NEO1: variants seen among roughly 807,000 people sequenced by gnomAD.
NEO1 encodes the protein neogenin 1.
In NEO1, 63 loss-of-function variants were observed where a neutral mutation model predicts 159.7. The ratio of observed to expected loss-of-function variants is 0.39; its 90% CI spans 0.32 to 0.49. The LOEUF (loss-of-function observed/expected upper bound fraction) is 0.49, where lower values mean the gene tolerates loss of function less well. Among genes scored for constraint, NEO1 ranks in the 20% least tolerant of loss-of-function variants. The probability of loss-of-function intolerance (pLI) is 0.85; values close to 1 mark genes in which losing one functional copy is unlikely to be tolerated. For synonymous variants in NEO1, 633 were observed against 662.0 expected (o/e 0.96, Z 0.67); for missense variants, 1,615 against 1,831.0 (o/e 0.88, Z 2.15).
chr15:73,189,168 A>G (rs959458497), intron 7 of NEO1, among the ~76,000 whole-genome samples: 1 of 152,138 alleles, frequency 6.6e-6, no homozygotes, highest in Non-Finnish European at 1.5e-5. Context: ...TATATCTTTG[A>G]TTGTGAAGTG....
At chr15:73,249,999 C>G (rs532037059) in intron 11 of NEO1, among the ~76,000 whole-genome samples, 52 of 152,250 alleles carry the variant, frequency 3.4e-4, no homozygotes, top group African/African-American at 1.2e-3. Flanking sequence ...TTAGCAGAAG[C>G]TTTTGTGTAA....
intron 1 of NEO1, among the ~76,000 whole-genome samples, chr15:73,101,425 G>A (rs566876415): frequency 1.6e-4 from 24 of 152,282 alleles, no homozygotes; most frequent in East Asian, 7.7e-4. Flanking sequence ...GCGCACACAC[G>A]CTCTCTTTCC....
chr15:73,212,194 A>G (rs777290873), intron 7 of NEO1, among the ~76,000 whole-genome samples: 1 of 152,044 alleles, frequency 6.6e-6, no homozygotes, highest in Non-Finnish European at 1.5e-5. Context: ...TAAATCTCCT[A>G]TTGCCAAGGG....
intron 7 of NEO1, among the ~76,000 whole-genome samples, chr15:73,184,993 G>A (rs1297610698): frequency 1.3e-5 from 2 of 152,056 alleles, no homozygotes; most frequent in Non-Finnish European, 2.9e-5. Flanking sequence ...ATGCACTTGA[G>A]GAATTATAAA....
intron 7 of NEO1, among the ~76,000 whole-genome samples, chr15:73,216,985 T>C (rs1430921464): frequency 1.3e-5 from 2 of 152,052 alleles, no homozygotes; most frequent in African/African-American, 4.8e-5. Flanking sequence ...TTTGGTGTTT[T>C]AGACATGAAG....
chr15:73,201,409 G>A (rs896736563), intron 7 of NEO1, among the ~76,000 whole-genome samples: 2 of 151,708 alleles, frequency 1.3e-5, no homozygotes, highest in Admixed American at 6.6e-5. Flanking sequence ...CTAATTTAAC[G>A]CTACTGTCTG....
chr15:73,106,715 T>G (rs2070713024), intron 1 of NEO1, among the ~76,000 whole-genome samples: 1 of 152,198 alleles, frequency 6.6e-6, no homozygotes, highest in Non-Finnish European at 1.5e-5. Context: ...TTCTTCATTC[T>G]CTTTGTGGTG....
intron 7 of NEO1, among the ~76,000 whole-genome samples, chr15:73,201,915 C>T (rs1050787185): frequency 6.7e-6 from 1 of 149,732 alleles, no homozygotes; most frequent in Non-Finnish European, 1.5e-5. Context: ...TAAAGGTATT[C>T]CATCTTTCTT....
chr15:73,293,830 T>A (rs41415044), intron 26 of NEO1, among the ~76,000 whole-genome samples: 3,471 of 152,280 alleles, frequency 0.023, 133 homozygotes, highest in African/African-American at 0.076. Context: ...TAACTCAGTC[T>A]TTTTTCCAAT....
At chr15:73,065,598 G>A (rs1162349979) in intron 1 of NEO1, among the ~76,000 whole-genome samples, 2 of 152,108 alleles carry the variant, frequency 1.3e-5, no homozygotes, top group African/African-American at 4.8e-5. Context: ...TGAGTAATGT[G>A]CTTACCTCCC....
intron 7 of NEO1, among the ~76,000 whole-genome samples, chr15:73,214,183 C>T (rs775258386): frequency 4.5e-4 from 68 of 151,930 alleles, no homozygotes; most frequent in Non-Finnish European, 9.1e-4. Flanking sequence ...CTTGTTAGTC[C>T]TTTGTCAGAT....
chr15:73,069,916 T>C (rs1319863013), intron 1 of NEO1, among the ~76,000 whole-genome samples: 2 of 152,158 alleles, frequency 1.3e-5, no homozygotes, highest in Admixed American at 1.3e-4. Context: ...AGTTTGCTAG[T>C]TGGGAAATAA....
intron 1 of NEO1, among the ~76,000 whole-genome samples, chr15:73,066,364 T>G (rs1039708875): frequency 3.4e-5 from 5 of 148,934 alleles, no homozygotes; most frequent in Non-Finnish European, 5.9e-5. Context: ...AGGTCTCTGC[T>G]GAAGTTCTCC....
At chr15:73,152,887 A>G (rs2033488848) in intron 5 of NEO1, among the ~76,000 whole-genome samples, 1 of 152,076 alleles carries the variant, frequency 6.6e-6, no homozygotes, top group African/African-American at 2.4e-5. Flanking sequence ...GCAGCTTGAG[A>G]GGGTGTTTTT....
intron 5 of NEO1, among the ~76,000 whole-genome samples, chr15:73,155,007 A>T (rs1596178934): frequency 7.0e-6 from 1 of 143,068 alleles, no homozygotes; most frequent in African/African-American, 2.6e-5. Context: ...TTGTTTTATA[A>T]AGTCTTTGTG....
intron 1 of NEO1, among the ~76,000 whole-genome samples, chr15:73,053,301 A>T (rs990858168): frequency 9.9e-5 from 15 of 151,894 alleles, no homozygotes; most frequent in Non-Finnish European, 1.8e-4. Context: ...GTCTCGAGGG[A>T]CTCCTCGCGC....
chr15:73,275,810 T>G (rs1269013746), intron 21 of NEO1, among the ~76,000 whole-genome samples: 1 of 152,226 alleles, frequency 6.6e-6, no homozygotes, highest in Non-Finnish European at 1.5e-5. Flanking sequence ...GATTTTTATC[T>G]CTAGGAAGTC....
intron 5 of NEO1, among the ~76,000 whole-genome samples, chr15:73,171,004 A>AG: frequency 7.2e-6 from 1 of 139,052 alleles, no homozygotes; most frequent in South Asian, 2.8e-4. Context: ...GTCTCGGGGG[A>AG]AAAAAAAAAA....
chr15:73,278,974 A>C (rs1363226853), intron 22 of NEO1, among the ~76,000 whole-genome samples: 3 of 152,154 alleles, frequency 2.0e-5, no homozygotes, highest in Admixed American at 2.0e-4. Flanking sequence ...ACTAGGAATG[A>C]CCCTTACTGT....
Sources: gnomAD v4.1 joint callset for allele counts (sites outside exome capture counted in the v4.1 genomes callset) on GRCh38, gnomAD v4.1.1 for gene constraint, MANE v1.5 for transcripts, NCBI Gene and HGNC (gene_info 2026-07-23, HGNC 2026-07-21) for gene names.